RGS5: variants seen among roughly 807,000 people sequenced by gnomAD.
The protein encoded by RGS5 is regulator of G protein signaling 5, also known as regulator of G-protein signalling 5.
A neutral mutation model predicts 18.9 loss-of-function variants in RGS5; 20 were observed. That is an observed-to-expected ratio of 1.06 (90% CI 0.74 to 1.54). The LOEUF is 1.54. Among genes scored for constraint, RGS5 ranks in the 40% most tolerant of loss-of-function variants. RGS5 has a pLI of 0.00. For synonymous variants in RGS5, 57 were observed against 76.2 expected (o/e 0.75, Z 1.31); for missense variants, 201 against 211.8 (o/e 0.95, Z 0.32).
At chr1:163,193,794 C>G (rs1659450284) in intron 1 of RGS5, among the ~76,000 whole-genome samples, 1 of 152,120 alleles carries the variant, frequency 6.6e-6, no homozygotes, top group Non-Finnish European at 1.5e-5. Flanking sequence ...CCTGGAAACC[C>G]TGACATACCC....
chr1:163,235,048 A>T (rs1016788598), intron 2 of RGS5, among the ~76,000 whole-genome samples: 4 of 152,348 alleles, frequency 2.6e-5, no homozygotes, highest in Non-Finnish European at 4.4e-5. Context: ...GCTTCAGGAC[A>T]GGGGATAAAA....
intron 1 of RGS5, among the ~76,000 whole-genome samples, chr1:163,208,288 C>T (rs1317238555): frequency 8.3e-6 from 1 of 119,876 alleles, no homozygotes; most frequent in Non-Finnish European, 1.6e-5. Flanking sequence ...GCGGAGCTTG[C>T]AGTGAGCCGA....
chr1:163,203,120 T>C, upstream of RGS5: 2 of 351,308 alleles, frequency 5.7e-6, no homozygotes, highest in Non-Finnish European at 1.1e-5. Context: ...ACTCTCTTGC[T>C]AACCGGCCAG....
At chr1:163,309,285 C>A (rs2101648125) in intron 1 of RGS5, among the ~76,000 whole-genome samples, 1 of 152,338 alleles carries the variant, frequency 6.6e-6, no homozygotes, top group African/African-American at 2.4e-5. Flanking sequence ...TTGGCCACAT[C>A]AGTTGACTTT....
intron 1 of RGS5, among the ~76,000 whole-genome samples, chr1:163,307,278 A>G (rs3890795): frequency 0.089 from 13,562 of 152,230 alleles, 674 homozygotes; most frequent in African/African-American, 0.13. Flanking sequence ...TAGATCCTCT[A>G]CTTATTTTCT....
intron 1 of RGS5, among the ~76,000 whole-genome samples, chr1:163,310,521 G>A (rs1435008350): frequency 2.0e-5 from 3 of 147,210 alleles, no homozygotes; most frequent in African/African-American, 7.6e-5. Context: ...CTTGCAGTGA[G>A]CAGAGATTGC....
At chr1:163,233,303 TG>T (rs894223164) in intron 2 of RGS5, among the ~76,000 whole-genome samples, 7 of 152,216 alleles carry the variant, frequency 4.6e-5, no homozygotes, top group Non-Finnish European at 7.3e-5. Context: ...ATGAGATCTA[TG>T]GGGTTTTCCC....
chr1:163,150,475 C>A (rs1013614029), intron 4 of RGS5, among the ~76,000 whole-genome samples: 3 of 152,078 alleles, frequency 2.0e-5, no homozygotes, highest in Non-Finnish European at 4.4e-5. Flanking sequence ...TGGGGAAATA[C>A]ATGTCCAATT....
chr1:163,191,345 A>T (rs974127914), intron 1 of RGS5, among the ~76,000 whole-genome samples: 8 of 149,270 alleles, frequency 5.4e-5, no homozygotes, highest in East Asian at 3.9e-4. Context: ...AAATGCTATA[A>T]AAAAAAAAAG....
intron 1 of RGS5, among the ~76,000 whole-genome samples, chr1:163,180,981 A>G (rs935312738): frequency 6.6e-6 from 1 of 151,994 alleles, no homozygotes; most frequent in African/African-American, 2.4e-5. Flanking sequence ...GGCGTGAGCC[A>G]CCGCGCCCGC....
chr1:163,198,776 G>A (rs907406586), intron 1 of RGS5, among the ~76,000 whole-genome samples: 3 of 151,966 alleles, frequency 2.0e-5, no homozygotes. Flanking sequence ...CACTACAGGT[G>A]CTATCCACTG....
chr1:163,280,432 GA>G (rs1189281503), intron 2 of RGS5, among the ~76,000 whole-genome samples: 1 of 151,804 alleles, frequency 6.6e-6, no homozygotes, highest in Admixed American at 6.6e-5. Context: ...CAATAGATAT[GA>G]AAAAAAATTT....
intron 1 of RGS5, among the ~76,000 whole-genome samples, chr1:163,175,233 C>A (rs1035596083): frequency 6.6e-6 from 1 of 152,142 alleles, no homozygotes; most frequent in African/African-American, 2.4e-5. Context: ...AGGAGCTCCT[C>A]TGAGTTCCGT....
intron 1 of RGS5, among the ~76,000 whole-genome samples, chr1:163,214,803 T>C (rs1306274554): frequency 6.6e-6 from 1 of 152,208 alleles, no homozygotes; most frequent in African/African-American, 2.4e-5. Context: ...TTTAGTGCAA[T>C]GGGTAATGTA....
chr1:163,186,217 C>T (rs1288850664), intron 1 of RGS5, among the ~76,000 whole-genome samples: 2 of 151,554 alleles, frequency 1.3e-5, no homozygotes, highest in Non-Finnish European at 2.9e-5. Flanking sequence ...ATTACAGGTG[C>T]CCACCACCAC....
At chr1:163,279,159 A>G (rs1047710531) in intron 2 of RGS5, among the ~76,000 whole-genome samples, 3 of 152,140 alleles carry the variant, frequency 2.0e-5, no homozygotes, top group African/African-American at 7.2e-5. Context: ...AAAGTCTACT[A>G]TAGACCAAAT....
chr1:163,208,783 AT>A (rs772735960), intron 1 of RGS5, among the ~76,000 whole-genome samples: 1 of 152,128 alleles, frequency 6.6e-6, no homozygotes, highest in African/African-American at 2.4e-5. Context: ...AAATATAAAT[AT>A]TTTTGCACAA....
rs1657113955 is a variant in RGS5, at chr1:163,146,013, T to C, written c.*1329A>G. On this transcript the variant is annotated 3_prime_UTR_variant, in exon 5 of 5. Coordinates refer to ENST00000313961, the MANE Select transcript of RGS5 (RefSeq NM_003617.4). ...AGTTTGATTCTGTTACTAAATTCTG[T>C]GAATCATTATTTAATCAAATCTACT... 6.6e-6 allele frequency: 1 copy of C among 152,172 alleles called. No individual in the cohort carries two copies. Among genetic ancestry groups the C allele is most frequent in the Non-Finnish European group, 1.5e-5 (1 of 68,026 alleles). 9.4% of individuals were successfully genotyped at this position (152,172 alleles called of 1,614,324 possible). A position where few individuals can be genotyped will look rare whatever the true frequency, so the allele number is the denominator to read the frequency against.
intron 2 of RGS5, among the ~76,000 whole-genome samples, chr1:163,265,460 T>C (rs764551134): frequency 2.6e-5 from 4 of 152,136 alleles, no homozygotes; most frequent in Non-Finnish European, 4.4e-5. Context: ...CATCCTCTTC[T>C]AACCTGCATT....
Sources: gnomAD v4.1 joint callset for allele counts (sites outside exome capture counted in the v4.1 genomes callset) on GRCh38, gnomAD v4.1.1 for gene constraint, MANE v1.5 for transcripts, NCBI Gene and HGNC (gene_info 2026-07-23, HGNC 2026-07-21) for gene names.